The following RASA3 variants were observed in gnomAD, a reference collection of about 807,000 sequenced individuals.
RASA3 encodes RAS p21 protein activator 3, also known as ras GTPase-activating protein 3.
A neutral mutation model predicts 110.0 loss-of-function variants in RASA3; 73 were observed. The observed-to-expected ratio is 0.66, with a 90% CI of 0.55 to 0.81. The LOEUF (loss-of-function observed/expected upper bound fraction) is 0.81. RASA3 is among the 30% of genes least tolerant of loss of function. The pLI is 0.00. For missense variants in RASA3, 976 were observed against 1,113.2 expected (o/e 0.88, Z 1.75); for synonymous variants, 500 against 451.4 (o/e 1.11, Z -1.37).
intron 3 of RASA3, among the ~76,000 whole-genome samples, chr13:114,042,829 C>T (rs1308677254): frequency 1.3e-5 from 2 of 152,248 alleles, no homozygotes; most frequent in Non-Finnish European, 2.9e-5. Context: ...CCACTGCCAG[C>T]CTCTCACAGG....
chr13:114,058,293 C>T (rs2079279691), intron 2 of RASA3, among the ~76,000 whole-genome samples: 1 of 152,166 alleles, frequency 6.6e-6, no homozygotes, highest in South Asian at 2.1e-4. Context: ...GCGAGGCCGT[C>T]ACCACCATCC....
At chr13:114,062,401 G>A (rs2079371069) in intron 2 of RASA3, among the ~76,000 whole-genome samples, 1 of 152,150 alleles carries the variant, frequency 6.6e-6, no homozygotes, top group African/African-American at 2.4e-5. Context: ...GGGAGGTGGA[G>A]ATGCGAATCC....
chr13:114,079,507 C>T (rs1235025149), intron 1 of RASA3, among the ~76,000 whole-genome samples: 1 of 152,222 alleles, frequency 6.6e-6, no homozygotes, highest in Non-Finnish European at 1.5e-5. Context: ...CTTCTAACAA[C>T]ATAAAGTATT....
At chr13:114,110,338 T>C (rs1239789456) in intron 1 of RASA3, among the ~76,000 whole-genome samples, 2 of 152,214 alleles carry the variant, frequency 1.3e-5, no homozygotes, top group Non-Finnish European at 2.9e-5. Context: ...GCAAGGTAGA[T>C]TTTAAGTAAT....
At chr13:114,079,230 TTC>T (rs1311678075) in intron 1 of RASA3, among the ~76,000 whole-genome samples, 1 of 152,224 alleles carries the variant, frequency 6.6e-6, no homozygotes, top group Non-Finnish European at 1.5e-5. Context: ...CTGGGCGCTC[TTC>T]TCTTTCCCAC....
intron 7 of RASA3, among the ~76,000 whole-genome samples, chr13:114,026,928 G>A (rs78544359): frequency 2.5e-4 from 38 of 152,298 alleles, no homozygotes; most frequent in African/African-American, 8.9e-4. Flanking sequence ...GGATCTCTGT[G>A]TCTGAATCCT....
intron 3 of RASA3, among the ~76,000 whole-genome samples, chr13:114,043,920 C>T (rs1434334076): frequency 9.2e-5 from 1 of 10,928 alleles, no homozygotes; most frequent in East Asian, 3.8e-3. Flanking sequence ...TCTCTGAGCC[C>T]CCCCGCCCCG....
chr13:113,992,476 CAG>C lies in RASA3; in HGVS notation c.2245+7_2245+8del. 6.2e-7 allele frequency: 1 copy of C among 1,607,454 alleles called. No homozygotes were observed. Among genetic ancestry groups the C allele is most frequent in the Middle Eastern group, 1.7e-4 (1 of 6,054 alleles). ...TCGCTGCACAGATCTGTGTGCCGGG[CAG>C]ACTCACCCTGCATCTTCTCCAGCTT... On this transcript the variant is annotated splice_region_variant and intron_variant, in intron 22 of 23. Coordinates refer to ENST00000334062, the MANE Select transcript of RASA3 (RefSeq NM_007368.4).
intron 18 of RASA3, among the ~76,000 whole-genome samples, chr13:114,004,657 T>TGTGGAGGACGTGAGCGCTTGCA (rs1226572506): frequency 1.3e-5 from 2 of 152,174 alleles, no homozygotes; most frequent in Non-Finnish European, 2.9e-5. Flanking sequence ...GCTGCAGAGC[T>TGTGGAGGACGTGAGCGCTTGCA]GTGGAGGACG....
At position 114,039,916 on chromosome 13, in the gene RASA3, A is replaced by T. The variant is rs1164873476; in HGVS notation, c.372+1084T>A. On this transcript the variant is annotated intron_variant, in intron 4 of 23. Transcript: ENST00000334062. ...GGGTGAGCCCCTGGCCACTTTCGAC[A>T]ATGGACACGGGAGACCAGAACGCTC... Among the ~76,000 whole-genome samples, 4 of 152,118 alleles carry T rather than the reference A, an allele frequency of 2.6e-5. No individual in the cohort carries two copies. The East Asian group carries it at 7.7e-4, about 29-fold the overall frequency.
chr13:114,044,584 G>T (rs2139505826), intron 3 of RASA3, among the ~76,000 whole-genome samples: 1 of 130,938 alleles, frequency 7.6e-6, no homozygotes, highest in South Asian at 2.7e-4. Context: ...GACTTCAAGG[G>T]TCCGGAGTGG....
chr13:113,996,669 C>T lies in RASA3; in HGVS notation c.2003G>A (p.Trp668Ter). 6.2e-7 allele frequency: 1 copy of T among 1,613,858 alleles called. No individual in the cohort carries two copies. The highest frequency in any genetic ancestry group is 8.5e-7 in the Non-Finnish European group (1 of 1,180,042). The stretch of plus-strand genomic sequence containing the variant: ...GCTCACTTTGGTGAGAATGTCGATC[C>T]AGTCCTTGGCCTCCACGCAGTTGTT... ...QANNCVEAKD[W>*]IDILTKVSQC... Residue 668 changes from tryptophan to a stop codon, truncating the protein, a stop_gained, in exon 21 of 24, where the codon TGG (tryptophan) becomes TAG (stop). Transcript: ENST00000334062. LOFTEE classifies it high-confidence loss of function.
chr13:113,980,632 G>A (rs796230798), intron 23 of RASA3, among the ~76,000 whole-genome samples: 3 of 152,386 alleles, frequency 2.0e-5, no homozygotes, highest in African/African-American at 7.2e-5. Flanking sequence ...ATATTTGGAA[G>A]GCAAATGGGG....
Position 113,996,662 on chromosome 13 carries a change from G to A in RASA3, c.2010C>T (p.Asp670=), listed in dbSNP as rs147384608. The A allele has an allele frequency of 4.2e-5, 68 of 1,613,848 alleles. No individual in the cohort carries two copies. In the African/African-American group the frequency reaches 8.1e-4, roughly 19 times the overall value. Residue 670 remains aspartate (D), a synonymous_variant, in exon 21 of 24, where the codon GAC becomes GAT. Transcript: ENST00000334062. ...NNCVEAKDWI[D]ILTKVSQCNQ... is the part of the protein sequence containing the mutation. ...TGCACTGGCTCACTTTGGTGAGAAT[G>A]TCGATCCAGTCCTTGGCCTCCACGC...
At chr13:114,037,958 C>T (rs112007536) in intron 4 of RASA3, among the ~76,000 whole-genome samples, 3 of 151,624 alleles carry the variant, frequency 2.0e-5, no homozygotes, top group Non-Finnish European at 4.4e-5. Flanking sequence ...TCGGGGGAGC[C>T]GGGAGAAGGG....
At chr13:114,009,611 G>A (rs773657155) in intron 16 of RASA3, 147 bp from the exon 17 acceptor site, 27 of 629,018 alleles carry the variant, frequency 4.3e-5, no homozygotes, top group Admixed American at 2.0e-4. Flanking sequence ...GTGAGAGCCC[G>A]CAGGGCTGCC....
At chr13:114,040,168 T>C (rs2054367957) in intron 4 of RASA3, among the ~76,000 whole-genome samples, 2 of 152,130 alleles carry the variant, frequency 1.3e-5, no homozygotes, top group Non-Finnish European at 2.9e-5. Context: ...AAACCCAAAA[T>C]CCATGCACGG....
chr13:114,071,423 C>T (rs187140423), intron 2 of RASA3, among the ~76,000 whole-genome samples: 3 of 152,356 alleles, frequency 2.0e-5, no homozygotes, highest in East Asian at 1.9e-4. Flanking sequence ...GAGAGGATCC[C>T]GGCCTGAGAA....
chr13:114,095,361 C>A (rs1292172198), intron 1 of RASA3, among the ~76,000 whole-genome samples: 1 of 152,064 alleles, frequency 6.6e-6, no homozygotes, highest in African/African-American at 2.4e-5. Flanking sequence ...ATTTTCATGA[C>A]CCGAAAAAGA....
Sources: gnomAD v4.1 joint callset for allele counts (sites outside exome capture counted in the v4.1 genomes callset) on GRCh38, gnomAD v4.1.1 for gene constraint, MANE v1.5 for transcripts, NCBI Gene and HGNC (gene_info 2026-07-23, HGNC 2026-07-21) for gene names.